The following PSMA1 variants were observed in gnomAD, a reference collection of about 807,000 sequenced individuals.
PSMA1 encodes the protein proteasome 20S subunit alpha 1, also known as proteasome subunit alpha type-1.
Under a neutral mutation model 38.4 loss-of-function variants are expected in PSMA1, and 3 were observed. That is an observed-to-expected ratio of 0.08 (90% CI 0.04 to 0.20). The LOEUF (loss-of-function observed/expected upper bound fraction) is 0.20. Ranked by LOEUF, PSMA1 falls within the 10% of genes least tolerant of loss-of-function variation. The pLI is 1.00. For synonymous variants in PSMA1, 101 were observed against 107.1 expected, an observed-to-expected ratio of 0.94 and a Z score of 0.35; for missense variants, 227 against 325.3, an observed-to-expected ratio of 0.70 and a Z score of 2.32.
intron 2 of PSMA1, among the ~76,000 whole-genome samples, chr11:14,584,880 C>G (rs775808064): frequency 6.6e-6 from 1 of 152,140 alleles, no homozygotes; most frequent in Non-Finnish European, 1.5e-5. Context: ...GGTCCCATGA[C>G]GAGGATCAGA....
chr11:14,517,184 A>T (rs527284848), intron 4 of PSMA1, among the ~76,000 whole-genome samples: 1 of 152,338 alleles, frequency 6.6e-6, no homozygotes, highest in East Asian at 1.9e-4. Context: ...CTTGCCTTCA[A>T]GTTCCCTTAA....
intron 8 of PSMA1, among the ~76,000 whole-genome samples, chr11:14,510,315 A>C (rs948957332): frequency 3.9e-5 from 6 of 152,112 alleles, no homozygotes; most frequent in African/African-American, 1.4e-4. Flanking sequence ...CCTCCTTTAT[A>C]TCTTTTCCTC....
At chr11:14,579,013 G>A (rs1034326887) in intron 2 of PSMA1, among the ~76,000 whole-genome samples, 1 of 152,092 alleles carries the variant, frequency 6.6e-6, no homozygotes, top group Non-Finnish European at 1.5e-5. Flanking sequence ...CAGCTCAAAG[G>A]GATTAAGTTA....
intron 1 of PSMA1, among the ~76,000 whole-genome samples, chr11:14,628,024 T>C (rs1852937233): frequency 6.6e-6 from 1 of 152,158 alleles, no homozygotes; most frequent in Admixed American, 6.6e-5. Flanking sequence ...TGAGTGAGCC[T>C]TACCGCTTGA....
At chr11:14,607,531 C>T (rs1163190156) in intron 2 of PSMA1, among the ~76,000 whole-genome samples, 3 of 152,132 alleles carry the variant, frequency 2.0e-5, no homozygotes, top group Admixed American at 1.3e-4. Flanking sequence ...ATTTCCCACC[C>T]CAGATGATGT....
chr11:14,618,064 C>T (rs778018946), intron 1 of PSMA1, among the ~76,000 whole-genome samples: 15 of 152,078 alleles, frequency 9.9e-5, no homozygotes, highest in Non-Finnish European at 1.6e-4. Context: ...CCCATTTGAC[C>T]GCTTTTATGG....
intron 2 of PSMA1, among the ~76,000 whole-genome samples, chr11:14,595,666 G>T (rs563899192): frequency 6.6e-6 from 1 of 152,264 alleles, no homozygotes; most frequent in Non-Finnish European, 1.5e-5. Context: ...TAGGTAGATT[G>T]TAAAAATTTT....
In PSMA1 at chr11:14,629,936, A is replaced by G. The variant is rs575845214; in HGVS notation, c.-166+13519T>C. Reference sequence around the variant, plus strand: ...TTTTATTCTCTTTGAAGCAACTGTGAATGGGAGTTCACTCATGATTTGGCT... The same window carrying G: ...TTTTATTCTCTTTGAAGCAACTGTGGATGGGAGTTCACTCATGATTTGGCT... On this transcript the variant is annotated intron_variant, in intron 1 of 10. Transcript: ENST00000418988. Among the ~76,000 whole-genome samples, 85 of 152,196 alleles carry G rather than the reference A, an allele frequency of 5.6e-4. 1 individual carries two copies. Among genetic ancestry groups the G allele is most frequent in the African/African-American group, 2.0e-3 (85 of 41,510 alleles).
intron 2 of PSMA1, among the ~76,000 whole-genome samples, chr11:14,573,677 A>G (rs1427738169): frequency 1.3e-5 from 2 of 152,194 alleles, no homozygotes; most frequent in African/African-American, 4.8e-5. Flanking sequence ...ATCAGGCAGG[A>G]GAAAGAAATA....
chr11:14,592,323 G>C (rs1402179830), intron 2 of PSMA1, among the ~76,000 whole-genome samples: 1 of 151,194 alleles, frequency 6.6e-6, no homozygotes, highest in Non-Finnish European at 1.5e-5. Context: ...GCTGGGGTCA[G>C]CCTCATCGAC....
At chr11:14,539,629 A>AAGTC (rs1365659819) in intron 2 of PSMA1, among the ~76,000 whole-genome samples, 1 of 152,168 alleles carries the variant, frequency 6.6e-6, no homozygotes, top group Non-Finnish European at 1.5e-5. Context: ...GCGGATCACG[A>AAGTC]AGTCAGGAGA....
chr11:14,552,345 A>G (rs1565043003), intron 2 of PSMA1, among the ~76,000 whole-genome samples: 1 of 152,204 alleles, frequency 6.6e-6, no homozygotes. Context: ...GCAAGGAATT[A>G]CTTAGGCTGA....
At chr11:14,543,907 A>G (rs1851798464) in intron 2 of PSMA1, among the ~76,000 whole-genome samples, 1 of 152,316 alleles carries the variant, frequency 6.6e-6, no homozygotes, top group East Asian at 1.9e-4. Context: ...CACTCATTTA[A>G]AGTGTTCTTA....
chr11:14,573,517 A>C (rs2134179402), intron 2 of PSMA1, among the ~76,000 whole-genome samples: 1 of 152,336 alleles, frequency 6.6e-6, no homozygotes, highest in South Asian at 2.1e-4. Flanking sequence ...ATATCTCAAA[A>C]TAATAAGAGC....
chr11:14,592,386 A>C (rs567093818), intron 2 of PSMA1, among the ~76,000 whole-genome samples: 1,658 of 134,564 alleles, frequency 0.012, 27 homozygotes, highest in African/African-American at 0.042. Context: ...CTATATATAT[A>C]TATATATATT....
intron 2 of PSMA1, among the ~76,000 whole-genome samples, chr11:14,552,931 A>G (rs1851903119): frequency 6.6e-6 from 1 of 151,122 alleles, no homozygotes; most frequent in South Asian, 2.1e-4. Context: ...GGCTCGAGCA[A>G]TCCCTACACC....
At chr11:14,531,657 G>T (rs1339466510) in intron 2 of PSMA1, among the ~76,000 whole-genome samples, 1 of 151,930 alleles carries the variant, frequency 6.6e-6, no homozygotes, top group Non-Finnish European at 1.5e-5. Context: ...ATGGGGCTTT[G>T]CCATGTTGCC....
chr11:14,561,331 T>TC (rs1852005413), intron 2 of PSMA1, among the ~76,000 whole-genome samples: 2 of 152,188 alleles, frequency 1.3e-5, no homozygotes, highest in African/African-American at 4.8e-5. Flanking sequence ...CCTGAGACTG[T>TC]CCAGTCCACT....
intron 2 of PSMA1, among the ~76,000 whole-genome samples, chr11:14,596,694 G>C (rs537623002): frequency 2.0e-5 from 3 of 152,278 alleles, no homozygotes; most frequent in Non-Finnish European, 4.4e-5. Flanking sequence ...CTGCAAACAG[G>C]TACAATTTGA....
Sources: allele counts gnomAD v4.1 joint callset (sites outside exome capture counted in the v4.1 genomes callset), GRCh38; gene constraint gnomAD v4.1.1; transcripts MANE v1.5; gene names NCBI Gene and HGNC (gene_info 2026-07-23, HGNC 2026-07-21).